Variants in LCN10 observed in about 807,000 individuals in gnomAD.
LCN10 encodes epididymal-specific lipocalin-10.
In LCN10, 18 loss-of-function variants were observed where a neutral mutation model predicts 25.1. The observed-to-expected ratio is 0.72, with a 90% CI of 0.50 to 1.06. LCN10 has a LOEUF of 1.06. Among genes scored for constraint, LCN10 ranks in the 50% least tolerant of loss-of-function variants. LCN10 has a pLI of 0.00. For missense variants in LCN10, 257 were observed against 258.9 expected (o/e 0.99, Z 0.05); for synonymous variants, 130 against 116.7 (o/e 1.11, Z -0.73).
At chr9:136,742,549 C>T (rs1183086607) in intron 1 of LCN10, 2 of 573,482 alleles carry the variant, frequency 3.5e-6, no homozygotes, top group East Asian at 2.9e-5. Context: ...TGGGCCCCTC[C>T]ACCCTGGCCC....
At position 136,742,892 on chromosome 9, in the gene LCN10, C is replaced by A. The variant is rs1322901811; in HGVS notation, c.12G>T (p.Gly4=). MRQ[G]LLVLALVLVL... is the part of the protein sequence containing the mutation. ...CCAGCACCAGCGCCAGCACCAGCAG[C>A]CCCTGCCTCATCTTCACCCTCCTCC... The change falls in exon 1 of 6, where the codon GGG becomes GGT. Residue 4 remains glycine (G), a synonymous_variant. Transcript: ENST00000497771. The A allele has an allele frequency of 6.2e-7, 1 of 1,613,548 alleles. No individual in the cohort carries two copies. Among genetic ancestry groups the A allele is most frequent in the Non-Finnish European group, 8.5e-7 (1 of 1,179,786 alleles).
Position 136,738,982 on chromosome 9 carries a change from C to G in LCN10, c.*543G>C, listed in dbSNP as rs1210788767. On this transcript the variant is annotated 3_prime_UTR_variant, in exon 6 of 6. Coordinates refer to ENST00000497771, the MANE Select transcript of LCN10 (RefSeq NM_001001712.3). ...TGATCTAGGGTCTATACTCGAGTAT[C>G]CAGGTGACCACACTGCTGAAGTTGG... 5.6e-6 allele frequency: 1 copy of G among 179,662 alleles called. No homozygotes were observed. Among genetic ancestry groups the G allele is most frequent in the African/African-American group, 2.4e-5 (1 of 42,012 alleles). The allele number at this position is 179,662 out of a possible 1,614,324, so 11.1% of individuals were successfully genotyped here. A position where few individuals can be genotyped will look rare whatever the true frequency, so the allele number is the denominator to read the frequency against.
At position 136,740,255 on chromosome 9, in the gene LCN10, G is replaced by A. The variant is rs1846904541; in HGVS notation, c.476-207C>T. ...CTCGGGAAGCCAGGGTCACCACGCT[G>A]TCACCTGGGGAACCCTCTCTGCCTG... On this transcript the variant is annotated intron_variant, in intron 4 of 5. Coordinates refer to ENST00000497771, the MANE Select transcript of LCN10 (RefSeq NM_001001712.3). The surrounding 1 kb of genome is among the most constrained non-coding windows in gnomAD (Gnocchi z 5.3). 3.4e-6 allele frequency: 2 copies of A among 590,766 alleles called. No homozygotes were observed. The highest frequency in any genetic ancestry group is 5.8e-5 in the East Asian group (2 of 34,680). The allele number at this position is 590,766 out of a possible 1,614,324, so 36.6% of individuals were successfully genotyped here. A position where few individuals can be genotyped will look rare whatever the true frequency, so the allele number is the denominator to read the frequency against.
chr9:136,741,149 CGCCT>C, intron 3 of LCN10, 99 bp downstream of exon 3: 1 of 1,137,610 alleles, frequency 8.8e-7, no homozygotes, highest in Non-Finnish European at 1.3e-6. Flanking sequence ...GCCAGCCTGA[CGCCT>C]GCCTGCCACG....
chr9:136,739,820 C>CGT lies in LCN10; in HGVS notation c.574+128_574+129dup, dbSNP rs1846895094. ...CAGGGGCGGCAGGAGGTGGGAGGCA[C>CGT]GTTTGGGCGGATCTTTCAAATGGCA... On this transcript the variant is annotated intron_variant, in intron 5 of 5. Transcript: ENST00000497771. The surrounding 1 kb of genome is among the most constrained non-coding windows in gnomAD (Gnocchi z 6.1). The CGT allele has an allele frequency of 7.8e-6, 7 of 897,526 alleles. No individual in the cohort carries two copies. In the African/African-American group the frequency reaches 1.2e-4, roughly 15 times the overall value. 55.6% of individuals were successfully genotyped at this position (897,526 alleles called of 1,614,324 possible).
rs1846909350 is a variant in LCN10, at chr9:136,740,551, C to T, written c.475+285G>A. On this transcript the variant is annotated intron_variant, in intron 4 of 5. Coordinates refer to ENST00000497771, the MANE Select transcript of LCN10 (RefSeq NM_001001712.3). The surrounding 1 kb of genome is among the most constrained non-coding windows in gnomAD (Gnocchi z 5.3). ...CCTCATCCCCACTGTGTCCCTCACC[C>T]AGAACGTTGCACCTGCACCCGCCAC... 1 of 514,550 alleles carries T rather than the reference C, an allele frequency of 1.9e-6. No homozygotes were observed. The highest frequency in any genetic ancestry group is 1.9e-5 in the African/African-American group (1 of 52,666). 31.9% of individuals were successfully genotyped at this position (514,550 alleles called of 1,614,324 possible). A position where few individuals can be genotyped will look rare whatever the true frequency, so the allele number is the denominator to read the frequency against.
At chr9:136,741,798 C>T in intron 2 of LCN10, 83 bp downstream of exon 2, 3 of 1,485,074 alleles carry the variant, frequency 2.0e-6, no homozygotes, top group South Asian at 1.3e-5. Context: ...CAGACAGGCT[C>T]CTCCCAGACT....
rs1195042944 is a variant in LCN10, at chr9:136,742,931, G to A, written c.-28C>T. 1 of 1,609,118 alleles carries A rather than the reference G, an allele frequency of 6.2e-7. No individual in the cohort carries two copies. Among genetic ancestry groups the A allele is most frequent in the African/African-American group, 1.3e-5 (1 of 74,796 alleles). On this transcript the variant is annotated 5_prime_UTR_variant, in exon 1 of 6. Coordinates refer to ENST00000497771, the MANE Select transcript of LCN10 (RefSeq NM_001001712.3). ...TCACCCTCCTCCCTCAGCCGCCAAG[G>A]CCAGTGTTTAAACCTCTCTGGAGCC...
chr9:136,739,324 C>T lies in LCN10; in HGVS notation c.*201G>A. ...AAGGGGCCTGGCTGACATCTCGCCA[C>T]CCGGTCAGCCTGTATCCTCCTTCCC... is the stretch of plus-strand genomic sequence containing the variant. On this transcript the variant is annotated 3_prime_UTR_variant, in exon 6 of 6. Transcript: ENST00000497771. This position sits in a 1 kb window ranked among gnomAD's most constrained non-coding sequence, Gnocchi z 6.1. 1 of 590,978 alleles carries T rather than the reference C, an allele frequency of 1.7e-6. No homozygotes were observed. Among genetic ancestry groups the T allele is most frequent in the South Asian group, 1.9e-5 (1 of 51,740 alleles). 36.6% of individuals were successfully genotyped at this position (590,978 alleles called of 1,614,324 possible). A position where few individuals can be genotyped will look rare whatever the true frequency, so the allele number is the denominator to read the frequency against.
At position 136,740,713 on chromosome 9, in the gene LCN10, C is replaced by T; in HGVS notation, c.475+123G>A. 1.4e-6 allele frequency: 1 copy of T among 710,726 alleles called. No homozygotes were observed. Among genetic ancestry groups the T allele is most frequent in the South Asian group, 1.8e-5 (1 of 56,478 alleles). 44.0% of individuals were successfully genotyped at this position (710,726 alleles called of 1,614,324 possible). On this transcript the variant is annotated intron_variant, in intron 4 of 5. Transcript: ENST00000497771. The surrounding 1 kb of genome is among the most constrained non-coding windows in gnomAD (Gnocchi z 5.3). ...GCTTCCATTGCCCCTGCCCTGACCACCGCCCCAACCCCCACTCTCCCTGCC... is the reference window on the plus strand; with the variant it reads ...GCTTCCATTGCCCCTGCCCTGACCATCGCCCCAACCCCCACTCTCCCTGCC...
chr9:136,742,777 C>T lies in LCN10; in HGVS notation c.117+10G>A, dbSNP rs1288564675. On this transcript the variant is annotated intron_variant, in intron 1 of 5. Transcript: ENST00000497771. ...GCGCCCGGCTCAGGGACCAGTGGCA[C>T]ATGGCTCACCTTGTTCCAGTTGAGG... The T allele has an allele frequency of 1.2e-6, 2 of 1,613,130 alleles. No homozygotes were observed. The highest frequency in any genetic ancestry group is 1.3e-5 in the African/African-American group (1 of 75,046).
At chr9:136,742,756 C>T in intron 1 of LCN10, 31 bp downstream of exon 1, 1 of 1,610,854 alleles carries the variant, frequency 6.2e-7, no homozygotes, top group Non-Finnish European at 8.5e-7. Flanking sequence ...GAGCCGGCGC[C>T]CGGCTCAGGG....
chr9:136,741,543 G>C (rs1469859339), intron 2 of LCN10, 182 bp from the exon 3 acceptor site: 3 of 612,400 alleles, frequency 4.9e-6, no homozygotes, highest in South Asian at 2.0e-5. Context: ...GAGGCTCTGT[G>C]GTTTGAGGAT....
In LCN10 at chr9:136,739,534, G is replaced by T; in HGVS notation, c.594C>A (p.Ile198=). 6.2e-7 allele frequency: 1 copy of T among 1,600,922 alleles called. No individual in the cohort carries two copies. Among genetic ancestry groups the T allele is most frequent in the Admixed American group, 1.7e-5 (1 of 58,124 alleles). ...LPKDASRTHT[I]LP ...CAGAGGACGCTGGCTCTCATGGCAG[G>T]ATGGTGTGTGTACGGGACGCTGTGG... Residue 198 remains isoleucine, a synonymous_variant, in exon 6 of 6, where the codon ATC becomes ATA. Transcript: ENST00000497771. The surrounding 1 kb of genome is among the most constrained non-coding windows in gnomAD (Gnocchi z 6.1).
chr9:136,741,018 G>C, intron 3 of LCN10, 75 bp from the exon 4 acceptor site: 1 of 1,340,176 alleles, frequency 7.5e-7, no homozygotes, highest in South Asian at 1.2e-5. Flanking sequence ...CTGACCCCTG[G>C]TGCCCGAGGC....
rs199525822 is a variant in LCN10, at chr9:136,742,925, G to T, written c.-22C>A. The T allele has an allele frequency of 1.9e-6, 3 of 1,609,762 alleles. No individual in the cohort carries two copies. The highest frequency in any genetic ancestry group is 2.5e-6 in the Non-Finnish European group (3 of 1,178,336). ...TCATCTTCACCCTCCTCCCTCAGCC[G>T]CCAAGGCCAGTGTTTAAACCTCTCT... On this transcript the variant is annotated 5_prime_UTR_variant, in exon 1 of 6. Coordinates refer to ENST00000497771, the MANE Select transcript of LCN10 (RefSeq NM_001001712.3).
chr9:136,741,090 C>A, intron 3 of LCN10, 147 bp from the exon 4 acceptor site: 3 of 998,750 alleles, frequency 3.0e-6, no homozygotes, highest in Non-Finnish European at 4.5e-6. Context: ...GGGGCCTCCC[C>A]TCCCGGGCCA....
chr9:136,740,210 C>G lies in LCN10; in HGVS notation c.476-162G>C. The G allele has an allele frequency of 1.6e-6, 1 of 638,756 alleles. No individual in the cohort carries two copies. The highest frequency in any genetic ancestry group is 2.8e-5 in the East Asian group (1 of 36,054). 39.6% of individuals were successfully genotyped at this position (638,756 alleles called of 1,614,324 possible). Reference sequence around the variant, plus strand: ...AGGACAGCGGCCGCTGGGCCCCTCCCCACTTACGAGGCAGCCAGGCTCGGG... The same window carrying G: ...AGGACAGCGGCCGCTGGGCCCCTCCGCACTTACGAGGCAGCCAGGCTCGGG... On this transcript the variant is annotated intron_variant, in intron 4 of 5. Coordinates refer to ENST00000497771, the MANE Select transcript of LCN10 (RefSeq NM_001001712.3). This position sits in a 1 kb window ranked among gnomAD's most constrained non-coding sequence, Gnocchi z 5.3.
Position 136,742,034 on chromosome 9 carries a change from G to A in LCN10, c.118-14C>T, listed in dbSNP as rs767223348. The A allele has an allele frequency of 1.2e-6, 2 of 1,612,340 alleles. No homozygotes were observed. The highest frequency in any genetic ancestry group is 1.7e-6 in the Non-Finnish European group (2 of 1,179,594). On this transcript the variant is annotated splice_polypyrimidine_tract_variant and intron_variant, in intron 1 of 5. Transcript: ENST00000497771. ...GAACCCTGAAAACTGCGCAGCGGATGTGTGGGCGGGGACAGGAGCTGCCAC... is the reference window on the plus strand; with the variant it reads ...GAACCCTGAAAACTGCGCAGCGGATATGTGGGCGGGGACAGGAGCTGCCAC...
Sources: gnomAD v4.1 joint callset for allele counts on GRCh38, gnomAD v4.1.1 for gene constraint, Gnocchi (gnomAD v3.1) non-coding constraint, MANE v1.5 for transcripts, NCBI Gene and HGNC (gene_info 2026-07-23, HGNC 2026-07-21) for gene names.